Variants in NEK4 observed in about 807,000 individuals in gnomAD.
NEK4 encodes the protein NIMA related kinase 4, also known as serine/threonine-protein kinase Nek4.
In NEK4, 86 loss-of-function variants were observed where a neutral mutation model predicts 98.4. That is an observed-to-expected ratio of 0.87 (90% CI 0.73 to 1.05). NEK4 has a LOEUF of 1.05. Among genes scored for constraint, NEK4 ranks in the 50% least tolerant of loss-of-function variants. The pLI, the probability that NEK4 is intolerant of heterozygous loss-of-function variation, is 0.00. For synonymous variants in NEK4, 328 were observed against 342.2 expected (o/e 0.96, Z 0.46); for missense variants, 898 against 950.3 (o/e 0.94, Z 0.72).
intron 10 of NEK4, among the ~76,000 whole-genome samples, chr3:52,745,510 C>T (rs530267636): frequency 2.0e-5 from 3 of 151,246 alleles, no homozygotes; most frequent in South Asian, 2.1e-4. Context: ...ACCCAGGAGG[C>T]GGAGATTGTA....
At chr3:52,717,121 C>A (rs575700891) in intron 15 of NEK4, among the ~76,000 whole-genome samples, 1 of 152,126 alleles carries the variant, frequency 6.6e-6, no homozygotes, top group South Asian at 2.1e-4. Context: ...AATTATGGGG[C>A]CCAGGCCAGG....
intron 6 of NEK4, among the ~76,000 whole-genome samples, chr3:52,760,179 T>A (rs1253498353): frequency 1.3e-5 from 2 of 152,148 alleles, no homozygotes; most frequent in African/African-American, 4.8e-5. Context: ...ACTGGCCACA[T>A]TTAATTGATC....
At chr3:52,733,531 C>T (rs762174752) in intron 15 of NEK4, 4 of 492,812 alleles carry the variant, frequency 8.1e-6, no homozygotes, top group East Asian at 5.5e-5. Context: ...ACCTTACACA[C>T]GTAATGAATG....
intron 6 of NEK4, among the ~76,000 whole-genome samples, chr3:52,755,278 G>A (rs1331237347): frequency 1.3e-5 from 2 of 151,958 alleles, no homozygotes; most frequent in Non-Finnish European, 2.9e-5. Flanking sequence ...GAAAATTATT[G>A]CTCAATGGGT....
chr3:52,762,855 T>C (rs908495696), intron 5 of NEK4, among the ~76,000 whole-genome samples: 85 of 151,860 alleles, frequency 5.6e-4, no homozygotes, highest in Non-Finnish European at 1.3e-4. Context: ...CACTCCAGCC[T>C]GGGTGACACA....
chr3:52,731,164 C>T (rs1312669265), intron 15 of NEK4, among the ~76,000 whole-genome samples: 3 of 152,208 alleles, frequency 2.0e-5, no homozygotes, highest in East Asian at 1.9e-4. Context: ...TATTAGGCTA[C>T]GGAAATGACT....
At chr3:52,729,349 G>C (rs1179948737) in intron 15 of NEK4, among the ~76,000 whole-genome samples, 2 of 152,002 alleles carry the variant, frequency 1.3e-5, no homozygotes, top group African/African-American at 4.8e-5. Flanking sequence ...AATATTGGGG[G>C]TGGGTTCCCC....
Position 52,711,874 on chromosome 3 carries a change from T to G in NEK4, c.2434-5A>C, listed in dbSNP as rs1411966891. On this transcript the variant is annotated splice_polypyrimidine_tract_variant and splice_region_variant and intron_variant, in intron 15 of 15. Transcript: ENST00000233027. The stretch of plus-strand genomic sequence containing the variant: ...CATGTGCTCCCGCAAACGTACCTAT[T>G]TGAGAAACAAAAAGAAAATCAATCA... 6.4e-7 allele frequency: 1 copy of G among 1,559,882 alleles called. No individual in the cohort carries two copies. Among genetic ancestry groups the G allele is most frequent in the Non-Finnish European group, 8.8e-7 (1 of 1,134,670 alleles).
chr3:52,768,735 T>G, intron 1 of NEK4, 131 bp from the exon 2 acceptor site: 3 of 769,250 alleles, frequency 3.9e-6, no homozygotes, highest in Non-Finnish European at 6.2e-6. Flanking sequence ...CTATTCATTT[T>G]GTTTTTCACC....
chr3:52,768,450 A>T lies in NEK4; in HGVS notation c.248T>A (p.Met83Lys). Reference sequence around the variant, plus strand: ...CAAATCACCTCCTTCACAGAAGCCCATGACAATGTAGAGCAGACCATCTCC... The same window carrying T: ...CAAATCACCTCCTTCACAGAAGCCCTTGACAATGTAGAGCAGACCATCTCC... ...EGGDGLLYIV[M>K]GFCEGGDLYR... The change falls in exon 2 of 16, where the codon ATG (methionine) becomes AAG (lysine). Residue 83 changes from methionine (M) to lysine (K), a missense_variant. Coordinates refer to ENST00000233027, the MANE Select transcript of NEK4 (RefSeq NM_003157.6). The T allele has an allele frequency of 6.2e-7, 1 of 1,614,190 alleles. No homozygotes were observed. Among genetic ancestry groups the T allele is most frequent in the South Asian group, 1.1e-5 (1 of 91,080 alleles).
At chr3:52,757,326 G>C (rs112126632) in intron 6 of NEK4, among the ~76,000 whole-genome samples, 5,037 of 152,296 alleles carry the variant, frequency 0.033, 276 homozygotes, top group African/African-American at 0.11. Context: ...GGGAGGCCAA[G>C]GCGGGTGGAT....
At chr3:52,740,973 G>A (rs571589423) in intron 13 of NEK4, among the ~76,000 whole-genome samples, 6 of 151,702 alleles carry the variant, frequency 4.0e-5, no homozygotes, top group South Asian at 2.1e-4. Flanking sequence ...GGTGGCTCAC[G>A]CCTGTAATCC....
chr3:52,728,693 G>C (rs1037715461), intron 15 of NEK4, among the ~76,000 whole-genome samples: 2 of 152,164 alleles, frequency 1.3e-5, no homozygotes, highest in East Asian at 1.9e-4. Context: ...GGGCAAAATA[G>C]AGCCATATTT....
chr3:52,738,270 C>A (rs2097379673), intron 14 of NEK4, among the ~76,000 whole-genome samples: 1 of 151,990 alleles, frequency 6.6e-6, no homozygotes, highest in Non-Finnish European at 1.5e-5. Context: ...CCATGTCCAA[C>A]TAATTCTTAA....
Position 52,751,933 on chromosome 3 carries a change from T to C in NEK4, c.1367A>G (p.Gln456Arg). Reference protein sequence around the residue: ...PLIKEQKPKDQSLALSPKLEC... With the variant: ...PLIKEQKPKDRSLALSPKLEC... The stretch of plus-strand genomic sequence containing the variant: ...ATCTCATGTGTGCATATCACTCACC[T>C]GGTCCTTTGGCTTTTGTTCTTTGAT... Residue 456 changes from glutamine (Q) to arginine (R), a missense_variant and splice_region_variant, in exon 7 of 16, where the codon CAG becomes CGG. Coordinates refer to ENST00000233027, the MANE Select transcript of NEK4 (RefSeq NM_003157.6). 3 of 1,612,372 alleles carry C rather than the reference T, an allele frequency of 1.9e-6. No homozygotes were observed. Among genetic ancestry groups the C allele is most frequent in the Non-Finnish European group, 2.5e-6 (3 of 1,179,428 alleles).
intron 6 of NEK4, among the ~76,000 whole-genome samples, chr3:52,758,200 AAAAG>A (rs1698207953): frequency 1.3e-5 from 2 of 149,936 alleles, no homozygotes; most frequent in African/African-American, 2.4e-5. Context: ...AAAAAAAAAA[AAAAG>A]AAAGAAAGTA....
Position 52,768,466 on chromosome 3 carries a change from G to A in NEK4, c.232C>T (p.Leu78=). ...YKESWEGGDG[L]LYIVMGFCEG... is the part of the protein sequence containing the mutation. Reference sequence around the variant, plus strand: ...CAGAAGCCCATGACAATGTAGAGCAGACCATCTCCTCCTTCCCATGACTCC... The same window carrying A: ...CAGAAGCCCATGACAATGTAGAGCAAACCATCTCCTCCTTCCCATGACTCC... The change falls in exon 2 of 16, where the codon CTG becomes TTG. Residue 78 remains leucine (L), a synonymous_variant. Coordinates refer to ENST00000233027, the MANE Select transcript of NEK4 (RefSeq NM_003157.6). 1.2e-6 allele frequency: 2 copies of A among 1,614,178 alleles called. No homozygotes were observed. Among genetic ancestry groups the A allele is most frequent in the African/African-American group, 2.7e-5 (2 of 75,054 alleles).
chr3:52,733,715 C>A, intron 15 of NEK4: 1 of 443,574 alleles, frequency 2.3e-6, no homozygotes, highest in Non-Finnish European at 4.5e-6. Flanking sequence ...GGTCTTCGGA[C>A]ACAAGTTATA....
At chr3:52,763,186 T>A (rs533728468) in intron 5 of NEK4, among the ~76,000 whole-genome samples, 1 of 152,218 alleles carries the variant, frequency 6.6e-6, no homozygotes, top group Admixed American at 6.5e-5. Flanking sequence ...TTAGTAGAAG[T>A]TAGGTCTTCA....
Sources: allele counts gnomAD v4.1 joint callset (sites outside exome capture counted in the v4.1 genomes callset), GRCh38; gene constraint gnomAD v4.1.1; transcripts MANE v1.5; gene names NCBI Gene and HGNC (gene_info 2026-07-23, HGNC 2026-07-21).